KIF4A: variants seen among roughly 807,000 people sequenced by gnomAD.
KIF4A encodes kinesin family member 4A, also known as chromosome-associated kinesin KIF4A.
In KIF4A, 7 loss-of-function variants were observed where a neutral mutation model predicts 105.9. The observed-to-expected ratio is 0.07, with a 90% CI of 0.04 to 0.12. The LOEUF (loss-of-function observed/expected upper bound fraction) is 0.12, where lower values mean the gene tolerates loss of function less well. Among genes scored for constraint, KIF4A ranks in the 10% least tolerant of loss-of-function variants. KIF4A has a pLI of 1.00. For missense variants in KIF4A, 558 were observed against 929.2 expected, an observed-to-expected ratio of 0.60 and a Z score of 5.19; for synonymous variants, 281 against 331.3, an observed-to-expected ratio of 0.85 and a Z score of 1.65.
intron 7 of KIF4A, among the ~76,000 whole-genome samples, chrX:70,318,360 T>C (rs1331123561): frequency 8.9e-6 from 1 of 111,974 alleles, no homozygotes; most frequent in Non-Finnish European, 1.9e-5. Context: ...ACAGCTGTAG[T>C]TCATTTCTTT....
intron 28 of KIF4A, among the ~76,000 whole-genome samples, chrX:70,410,114 G>C (rs894799066): frequency 8.9e-6 from 1 of 112,147 alleles, no homozygotes; most frequent in Non-Finnish European, 1.9e-5. Flanking sequence ...ATAAAATCTG[G>C]TTTCTCTAAA....
intron 7 of KIF4A, among the ~76,000 whole-genome samples, chrX:70,313,210 G>A (rs756849020): frequency 5.4e-5 from 6 of 111,346 alleles, no homozygotes; most frequent in African/African-American, 2.0e-4. Flanking sequence ...TGCATAAAAT[G>A]TCATGACATA....
intron 20 of KIF4A, 42 bp from the exon 21 acceptor site, chrX:70,395,629 A>T (rs748842505): frequency 8.3e-7 from 1 of 1,206,131 alleles, no homozygotes; most frequent in Non-Finnish European, 1.1e-6. Flanking sequence ...TGAGCTAGTG[A>T]TTCCTCATCC....
intron 6 of KIF4A, 50 bp downstream of exon 6, chrX:70,302,116 G>A: frequency 8.6e-7 from 1 of 1,166,633 alleles, no homozygotes; most frequent in Non-Finnish European, 1.2e-6. Flanking sequence ...TTCTATTAAG[G>A]TTAAACATTA....
chrX:70,352,306 G>A (rs948711609), intron 13 of KIF4A, among the ~76,000 whole-genome samples: 2 of 111,633 alleles, frequency 1.8e-5, no homozygotes, highest in African/African-American at 6.5e-5. Context: ...ATGGCTAAAT[G>A]TTTCACTCTG....
chrX:70,381,728 T>C (rs2086198084), intron 18 of KIF4A, among the ~76,000 whole-genome samples: 1 of 111,812 alleles, frequency 8.9e-6, no homozygotes, highest in East Asian at 2.8e-4. Flanking sequence ...GAAGACTTGA[T>C]ATTCTAAAGA....
chrX:70,293,947 T>C (rs887221779), intron 3 of KIF4A, among the ~76,000 whole-genome samples: 4 of 112,204 alleles, frequency 3.6e-5, no homozygotes, highest in Non-Finnish European at 7.5e-5. Flanking sequence ...CTTTCTTCAA[T>C]CATAAATTAA....
intron 28 of KIF4A, among the ~76,000 whole-genome samples, chrX:70,409,249 A>G (rs1024787873): frequency 3.6e-5 from 4 of 112,106 alleles, no homozygotes; most frequent in African/African-American, 1.3e-4. Flanking sequence ...GTTGTAAGAC[A>G]GAAAGGGAAA....
At chrX:70,377,943 G>A (rs2086181562) in intron 18 of KIF4A, among the ~76,000 whole-genome samples, 1 of 111,761 alleles carries the variant, frequency 8.9e-6, no homozygotes, top group Admixed American at 9.5e-5. Flanking sequence ...CAAAGAAAAA[G>A]TATTGAAAAT....
At chrX:70,380,954 G>C (rs1399685644) in intron 18 of KIF4A, among the ~76,000 whole-genome samples, 1 of 111,065 alleles carries the variant, frequency 9.0e-6, no homozygotes, top group Non-Finnish European at 1.9e-5. Flanking sequence ...TTCGAGACCA[G>C]CCTGGCCAAC....
At chrX:70,356,817 C>G (rs755620284) in intron 15 of KIF4A, among the ~76,000 whole-genome samples, 12 of 111,643 alleles carry the variant, frequency 1.1e-4, no homozygotes, top group African/African-American at 3.9e-4. Context: ...GTGCACACTG[C>G]CTCACCTTCT....
Position 70,396,208 on chromosome X carries a change from T to C in KIF4A, c.2489+159T>C, listed in dbSNP as rs1046734082. The stretch of plus-strand genomic sequence containing the variant: ...CACTGTACTAGGTATCTTAGATACA[T>C]TTTCTTATTCAATCCCTTTGATGCC... On this transcript the variant is annotated intron_variant, in intron 22 of 30. Transcript: ENST00000374403. The C allele has an allele frequency of 1.2e-5, 5 of 411,121 alleles. No individual in the cohort carries two copies. The Admixed American group carries it at 2.2e-4, about 18-fold the overall frequency. 33.9% of individuals were successfully genotyped at this position (411,121 alleles called of 1,213,427 possible).
At chrX:70,309,023 G>A (rs1247228102) in intron 7 of KIF4A, among the ~76,000 whole-genome samples, 1 of 112,106 alleles carries the variant, frequency 8.9e-6, no homozygotes, top group Non-Finnish European at 1.9e-5. Context: ...TGACATTTCA[G>A]TTTTCCAATT....
intron 18 of KIF4A, among the ~76,000 whole-genome samples, chrX:70,380,285 G>A (rs2086192270): frequency 9.0e-6 from 1 of 111,366 alleles, no homozygotes; most frequent in Non-Finnish European, 1.9e-5. Context: ...TCCAGCCTGG[G>A]CAACAGAGTG....
intron 22 of KIF4A, among the ~76,000 whole-genome samples, chrX:70,397,098 C>T (rs1007122093): frequency 7.3e-5 from 8 of 109,957 alleles, no homozygotes; most frequent in Admixed American, 2.9e-4. Flanking sequence ...TGGCCAGGCA[C>T]GGTAGCTCTC....
chrX:70,407,707 GT>G (rs752067697), intron 28 of KIF4A, among the ~76,000 whole-genome samples: 41 of 112,134 alleles, frequency 3.7e-4, no homozygotes, highest in African/African-American at 1.2e-3. Flanking sequence ...AATTCTTCAT[GT>G]TTTTATAGCA....
chrX:70,301,156 G>A (rs1048264787), intron 5 of KIF4A, among the ~76,000 whole-genome samples: 2 of 111,739 alleles, frequency 1.8e-5, no homozygotes, highest in African/African-American at 6.5e-5. Context: ...AAGTATTATA[G>A]TAGAGAGAAT....
At chrX:70,321,322 T>G (rs2085889398) in intron 7 of KIF4A, among the ~76,000 whole-genome samples, 1 of 112,343 alleles carries the variant, frequency 8.9e-6, no homozygotes, top group Non-Finnish European at 1.9e-5. Context: ...AGACTCAACT[T>G]AAGTGTTGGG....
intron 20 of KIF4A, among the ~76,000 whole-genome samples, chrX:70,388,429 G>A (rs1284747181): frequency 5.4e-5 from 6 of 111,255 alleles, no homozygotes; most frequent in African/African-American, 2.0e-4. Flanking sequence ...TGGCTTTCTT[G>A]TATGGTTGGT....
Sources: gnomAD v4.1 joint callset for allele counts (sites outside exome capture counted in the v4.1 genomes callset) on GRCh38, gnomAD v4.1.1 for gene constraint, MANE v1.5 for transcripts, NCBI Gene and HGNC (gene_info 2026-07-23, HGNC 2026-07-21) for gene names.